The following RAB20 variants were observed in gnomAD, a reference collection of about 807,000 sequenced individuals.
The protein encoded by RAB20 is ras-related protein Rab-20.
In RAB20, 2 loss-of-function variants were observed where a neutral mutation model predicts 3.7. The observed-to-expected ratio is 0.54, with a 90% CI of 0.22 to 1.69. The LOEUF is 1.69. Ranked by LOEUF, RAB20 falls within the 40% of genes most tolerant of loss-of-function variation. The probability of loss-of-function intolerance (pLI) is 0.19; values close to 1 mark genes in which losing one functional copy is unlikely to be tolerated. For missense variants in RAB20, 276 were observed against 311.9 expected, an observed-to-expected ratio of 0.88 and a Z score of 0.87; for synonymous variants, 126 against 130.8, an observed-to-expected ratio of 0.96 and a Z score of 0.25.
intron 1 of RAB20, among the ~76,000 whole-genome samples, chr13:110,535,429 A>C (rs1278434541): frequency 3.9e-5 from 6 of 152,252 alleles, no homozygotes; most frequent in African/African-American, 1.4e-4. Context: ...ACGAATAAAT[A>C]ACACATGAGG....
chr13:110,551,451 A>C (rs1884948954), intron 1 of RAB20, among the ~76,000 whole-genome samples: 1 of 152,148 alleles, frequency 6.6e-6, no homozygotes, highest in African/African-American at 2.4e-5. Context: ...GGCAGATAAG[A>C]GGAGTGATAA....
chr13:110,536,125 T>C (rs1808130202), intron 1 of RAB20, among the ~76,000 whole-genome samples: 1 of 151,932 alleles, frequency 6.6e-6, no homozygotes, highest in Non-Finnish European at 1.5e-5. Flanking sequence ...GAGGAGACCA[T>C]GGGGAAACAG....
At chr13:110,551,470 G>A (rs931512346) in intron 1 of RAB20, among the ~76,000 whole-genome samples, 1 of 152,188 alleles carries the variant, frequency 6.6e-6, no homozygotes, top group Non-Finnish European at 1.5e-5. Context: ...AAGCTGGGGA[G>A]TGCTGGAGGG....
At chr13:110,534,212 G>A (rs1476811186) in intron 1 of RAB20, among the ~76,000 whole-genome samples, 1 of 152,194 alleles carries the variant, frequency 6.6e-6, no homozygotes, top group Non-Finnish European at 1.5e-5. Context: ...AGCTCTTCCA[G>A]ACACGAAGGA....
chr13:110,557,025 G>A (rs1885050307), intron 1 of RAB20, among the ~76,000 whole-genome samples: 1 of 152,302 alleles, frequency 6.6e-6, no homozygotes, highest in South Asian at 2.1e-4. Flanking sequence ...TGGCAGGAAG[G>A]TGCACATGAA....
At chr13:110,531,116 CAT>C (rs1391953541) in intron 1 of RAB20, among the ~76,000 whole-genome samples, 1 of 152,152 alleles carries the variant, frequency 6.6e-6, no homozygotes, top group Non-Finnish European at 1.5e-5. Context: ...TTCCCTTTCC[CAT>C]GTTTTACAGG....
At chr13:110,528,417 AAAAAAAAAAAC>A (rs1884470097) in intron 1 of RAB20, among the ~76,000 whole-genome samples, 1 of 151,306 alleles carries the variant, frequency 6.6e-6, no homozygotes, top group Non-Finnish European at 1.5e-5. Context: ...CCATCTCAAA[AAAAAAAAAAAC>A]AAAAAACAGA....
chr13:110,537,044 C>T (rs1284436351), intron 1 of RAB20, among the ~76,000 whole-genome samples: 1 of 150,668 alleles, frequency 6.6e-6, no homozygotes, highest in Non-Finnish European at 1.5e-5. Flanking sequence ...TGCAGTGGTG[C>T]AATCGTAGCT....
chr13:110,531,034 G>A (rs558480764), intron 1 of RAB20, among the ~76,000 whole-genome samples: 2 of 152,388 alleles, frequency 1.3e-5, no homozygotes, highest in African/African-American at 2.4e-5. Context: ...GATAGGAAGC[G>A]CTGCATTAGC....
In RAB20 at chr13:110,523,332, C is replaced by G; in HGVS notation, c.*333G>C. Reference sequence around the variant, plus strand: ...GAGGTGCAGGTGCAGACGCAGGCTTCTGCCTCTGCAAGGGCAAGGGGGCCG... The same window carrying G: ...GAGGTGCAGGTGCAGACGCAGGCTTGTGCCTCTGCAAGGGCAAGGGGGCCG... On this transcript the variant is annotated 3_prime_UTR_variant, in exon 2 of 2. Coordinates refer to ENST00000267328, the MANE Select transcript of RAB20 (RefSeq NM_017817.3). 2.0e-6 allele frequency: 1 copy of G among 500,410 alleles called. No homozygotes were observed. Among genetic ancestry groups the G allele is most frequent in the South Asian group, 4.3e-5 (1 of 23,462 alleles). 31.0% of individuals were successfully genotyped at this position (500,410 alleles called of 1,614,324 possible). A position where few individuals can be genotyped will look rare whatever the true frequency, so the allele number is the denominator to read the frequency against.
chr13:110,525,876 T>C (rs1260608412), intron 1 of RAB20, among the ~76,000 whole-genome samples: 1 of 152,226 alleles, frequency 6.6e-6, no homozygotes, highest in African/African-American at 2.4e-5. Context: ...GTGCATGGCA[T>C]GGGCCCTCCC....
chr13:110,560,003 C>A (rs1239343928), intron 1 of RAB20, among the ~76,000 whole-genome samples: 1 of 152,294 alleles, frequency 6.6e-6, no homozygotes, highest in East Asian at 1.9e-4. Context: ...CCCAGCCAAC[C>A]AGCAAAAGCA....
Position 110,523,909 on chromosome 13 carries a change from G to A in RAB20, c.461C>T (p.Ala154Val), listed in dbSNP as rs1241794886. ...GAGGATCTTTTTATAAAGGGCCACCGCATCCTCCAGCTGCACCTGCTTAGG... is the reference window on the plus strand; with the variant it reads ...GAGGATCTTTTTATAAAGGGCCACCACATCCTCCAGCTGCACCTGCTTAGG... Reference protein sequence around the residue: ...RAPKQVQLEDAVALYKKILKY... With the variant: ...RAPKQVQLEDVVALYKKILKY... Residue 154 changes from alanine (A) to valine (V), a missense_variant, in exon 2 of 2, where the codon GCG (alanine) becomes GTG (valine). Ala to Val is a moderately conservative substitution (Grantham distance 64). Transcript: ENST00000267328. 45 of 1,614,056 alleles carry A rather than the reference G, an allele frequency of 2.8e-5. No homozygotes were observed. The highest frequency in any genetic ancestry group is 3.3e-5 in the South Asian group (3 of 91,092).
At chr13:110,544,959 CTCA>C (rs1435717610) in intron 1 of RAB20, among the ~76,000 whole-genome samples, 1 of 152,216 alleles carries the variant, frequency 6.6e-6, no homozygotes, top group African/African-American at 2.4e-5. Flanking sequence ...GTAAATAACT[CTCA>C]TGAGATCTGA....
At chr13:110,526,226 C>G (rs1028404695) in intron 1 of RAB20, among the ~76,000 whole-genome samples, 3 of 152,228 alleles carry the variant, frequency 2.0e-5, no homozygotes, top group African/African-American at 7.2e-5. Context: ...GAGCTCAGAA[C>G]GCCAAGGTCA....
intron 1 of RAB20, among the ~76,000 whole-genome samples, chr13:110,542,226 A>C (rs923639194): frequency 6.6e-6 from 1 of 151,816 alleles, no homozygotes; most frequent in African/African-American, 2.4e-5. Context: ...TAAATATTTC[A>C]GATGTACAAC....
chr13:110,557,239 G>A (rs1490540254), intron 1 of RAB20, among the ~76,000 whole-genome samples: 1 of 152,220 alleles, frequency 6.6e-6, no homozygotes, highest in Non-Finnish European at 1.5e-5. Context: ...TGTGAGGGAA[G>A]CATCACTGTG....
chr13:110,539,142 T>G (rs1884708510), intron 1 of RAB20, among the ~76,000 whole-genome samples: 1 of 152,258 alleles, frequency 6.6e-6, no homozygotes, highest in South Asian at 2.1e-4. Context: ...TGTAGTTGCT[T>G]GCATTTATAG....
At chr13:110,554,086 G>C (rs1047901622) in intron 1 of RAB20, among the ~76,000 whole-genome samples, 2 of 152,156 alleles carry the variant, frequency 1.3e-5, no homozygotes, top group Non-Finnish European at 2.9e-5. Context: ...CTGCACTCCA[G>C]CCTGGACAAC....
Sources: allele counts gnomAD v4.1 joint callset (sites outside exome capture counted in the v4.1 genomes callset), GRCh38; gene constraint gnomAD v4.1.1; transcripts MANE v1.5; gene names NCBI Gene and HGNC (gene_info 2026-07-23, HGNC 2026-07-21).